Variants in GABRB3 observed in about 807,000 individuals in gnomAD.
GABRB3 encodes gamma-aminobutyric acid type A receptor subunit beta3.
A neutral mutation model predicts 52.1 loss-of-function variants in GABRB3; 14 were observed. The observed-to-expected ratio is 0.27, with a 90% CI of 0.18 to 0.42. The LOEUF (loss-of-function observed/expected upper bound fraction) is 0.42, where lower values mean the gene tolerates loss of function less well. GABRB3 is among the 10% of genes least tolerant of loss of function. The pLI is 1.00. For synonymous variants in GABRB3, 260 were observed against 232.3 expected (o/e 1.12, Z -1.08); for missense variants, 307 against 609.1 (o/e 0.50, Z 5.22).
rs1889221906 is a variant in GABRB3, at chr15:26,545,960, T to TA, written c.*1832dup. On this transcript the variant is annotated 3_prime_UTR_variant, in exon 9 of 9. Transcript: ENST00000311550. ...TGAACTGTTGCAGATGCCCACAAAT[T>TA]AAAGGTTGTTACGGCCACCAAAGAA... The TA allele has an allele frequency of 6.6e-6, 1 of 152,528 alleles. No individual in the cohort carries two copies. Among genetic ancestry groups the TA allele is most frequent in the African/African-American group, 2.4e-5 (1 of 41,400 alleles). The allele number at this position is 152,528 out of a possible 1,614,324, so 9.4% of individuals were successfully genotyped here. A position where few individuals can be genotyped will look rare whatever the true frequency, so the allele number is the denominator to read the frequency against.
chr15:26,711,316 A>C (rs1268403966), intron 3 of GABRB3, among the ~76,000 whole-genome samples: 2 of 152,150 alleles, frequency 1.3e-5, no homozygotes, highest in African/African-American at 4.8e-5. Flanking sequence ...CTAAGCAATA[A>C]GTTTGATTCC....
chr15:26,547,258 C>T lies in GABRB3; in HGVS notation c.*535G>A, dbSNP rs576525575. 3.0e-6 allele frequency: 1 copy of T among 338,280 alleles called. No homozygotes were observed. The highest frequency in any genetic ancestry group is 4.4e-5 in the East Asian group (1 of 22,574). The allele number at this position is 338,280 out of a possible 1,614,324, so 21.0% of individuals were successfully genotyped here. A position where few individuals can be genotyped will look rare whatever the true frequency, so the allele number is the denominator to read the frequency against. ...AGAGAAGCCAAGAAGCCTTTGCTTA[C>T]TAAACTGAACGAGAGGATATGAAGT... On this transcript the variant is annotated 3_prime_UTR_variant, in exon 9 of 9. Coordinates refer to ENST00000311550, the MANE Select transcript of GABRB3 (RefSeq NM_000814.6).
rs533787891 is a variant in GABRB3 at position 26,615,847 on chromosome 15, T to C, written c.461+5467A>G. 4.7e-5 allele frequency: 57 copies of C among 1,223,624 alleles called. 3 individuals carry two copies. In the South Asian group the frequency reaches 4.7e-4, roughly 10 times the overall value. The allele number at this position is 1,223,624 out of a possible 1,614,324, so 75.8% of individuals were successfully genotyped here. A position where few individuals can be genotyped will look rare whatever the true frequency, so the allele number is the denominator to read the frequency against. ...GTGTCCAGGGGTGAGAGAAATTCAG[T>C]CTGAAGGTCTCAGTGATACAGCCAG... On this transcript the variant is annotated intron_variant, in intron 4 of 8. Transcript: ENST00000311550.
intron 5 of GABRB3, among the ~76,000 whole-genome samples, chr15:26,582,313 C>T (rs1357436429): frequency 6.6e-6 from 1 of 152,200 alleles, no homozygotes; most frequent in Non-Finnish European, 1.5e-5. Flanking sequence ...CCTGAAACTT[C>T]CTCCACTGGA....
At chr15:26,604,038 A>G (rs7172598) in intron 4 of GABRB3, among the ~76,000 whole-genome samples, 47,246 of 151,984 alleles carry the variant, frequency 0.31, 8,279 homozygotes, top group East Asian at 0.79. Context: ...GACTCCATGA[A>G]AAAACTATTT....
At chr15:26,567,046 T>C (rs1346379229) in intron 7 of GABRB3, among the ~76,000 whole-genome samples, 1 of 152,228 alleles carries the variant, frequency 6.6e-6, no homozygotes, top group Non-Finnish European at 1.5e-5. Context: ...AAAAATAATA[T>C]TGGAACCTAT....
chr15:26,652,566 A>G (rs1353731284), intron 3 of GABRB3, among the ~76,000 whole-genome samples: 1 of 152,168 alleles, frequency 6.6e-6, no homozygotes, highest in Non-Finnish European at 1.5e-5. Context: ...ATGTGTCCTT[A>G]ATAAAAATAT....
At chr15:26,642,288 G>A (rs944658036) in intron 3 of GABRB3, 5 of 225,210 alleles carry the variant, frequency 2.2e-5, no homozygotes, top group East Asian at 1.0e-4. Context: ...TCAACTTTTC[G>A]TGTATGGTAT....
At chr15:26,730,482 T>C (rs1889882795) in intron 3 of GABRB3, among the ~76,000 whole-genome samples, 1 of 145,884 alleles carries the variant, frequency 6.9e-6, no homozygotes, top group Non-Finnish European at 1.5e-5. Context: ...CACAGGCACC[T>C]CACCACCCCC....
intron 3 of GABRB3, among the ~76,000 whole-genome samples, chr15:26,765,827 G>C (rs1890982112): frequency 6.6e-6 from 1 of 152,192 alleles, no homozygotes; most frequent in Non-Finnish European, 1.5e-5. Context: ...TTAGATAGCA[G>C]TGAAGGTCAT....
intron 3 of GABRB3, among the ~76,000 whole-genome samples, chr15:26,652,655 G>A (rs1379813206): frequency 6.6e-6 from 1 of 152,116 alleles, no homozygotes; most frequent in Non-Finnish European, 1.5e-5. Flanking sequence ...AGCAAGTTGA[G>A]CATTAGCCTA....
chr15:26,709,457 C>T (rs1463206661), intron 3 of GABRB3, among the ~76,000 whole-genome samples: 1 of 151,136 alleles, frequency 6.6e-6, no homozygotes, highest in Non-Finnish European at 1.5e-5. Context: ...TGGTGCCATG[C>T]TTCTTGCACA....
At chr15:26,767,008 CGTATTATATAAG>C (rs1472147139) in intron 3 of GABRB3, 3 of 152,138 alleles carry the variant, frequency 2.0e-5, no homozygotes, top group African/African-American at 7.2e-5. Flanking sequence ...TACTAAAGAG[CGTATTATATAAG>C]GTATTATTGT....
In GABRB3 at chr15:26,713,400, G is replaced by C. The variant is rs548415397; in HGVS notation, c.240+59002C>G. Among the ~76,000 whole-genome samples the C allele has an allele frequency of 8.7e-4, 133 of 152,274 alleles. 1 individual carries two copies. Among genetic ancestry groups the C allele is most frequent in the African/African-American group, 3.1e-3 (127 of 41,554 alleles). On this transcript the variant is annotated intron_variant, in intron 3 of 8. Coordinates refer to ENST00000311550, the MANE Select transcript of GABRB3 (RefSeq NM_000814.6). ...ACAGGCAGAGAGTGGACGCACAGGA[G>C]AGGGGAGACCCAGGCCCTATCAGCA...
chr15:26,662,658 C>A (rs747538615), intron 3 of GABRB3, among the ~76,000 whole-genome samples: 1 of 152,090 alleles, frequency 6.6e-6, no homozygotes, highest in Non-Finnish European at 1.5e-5. Flanking sequence ...ACAGCTCGCC[C>A]CAGCAATCAC....
intron 3 of GABRB3, among the ~76,000 whole-genome samples, chr15:26,661,768 C>T (rs1304366070): frequency 6.6e-6 from 1 of 152,148 alleles, no homozygotes; most frequent in African/African-American, 2.4e-5. Context: ...AAGAGCCCAG[C>T]TAAGCAGGGG....
chr15:26,546,171 C>A lies in GABRB3; in HGVS notation c.*1622G>T, dbSNP rs1889232098. The A allele has an allele frequency of 6.6e-6, 1 of 152,502 alleles. No individual in the cohort carries two copies. The highest frequency in any genetic ancestry group is 2.1e-4 in the South Asian group (1 of 4,830). The allele number at this position is 152,502 out of a possible 1,614,324, so 9.4% of individuals were successfully genotyped here. A position where few individuals can be genotyped will look rare whatever the true frequency, so the allele number is the denominator to read the frequency against. On this transcript the variant is annotated 3_prime_UTR_variant, in exon 9 of 9. Transcript: ENST00000311550. ...GGGATAAAGTATTAATTTAGCAGTT[C>A]TTCCTGCAAATTTTGCTTTTTATTT...
chr15:26,598,597 C>G (rs1256651618), intron 4 of GABRB3, among the ~76,000 whole-genome samples: 2 of 152,164 alleles, frequency 1.3e-5, no homozygotes, highest in Admixed American at 1.3e-4. Flanking sequence ...CCCAAGTCAG[C>G]AGGATGCCAG....
chr15:26,658,126 G>A (rs1384048746), intron 3 of GABRB3, among the ~76,000 whole-genome samples: 1 of 152,108 alleles, frequency 6.6e-6, no homozygotes, highest in Admixed American at 6.6e-5. Context: ...GTGCCACCCA[G>A]ACCAGTAAAC....
Sources: allele counts gnomAD v4.1 joint callset (sites outside exome capture counted in the v4.1 genomes callset), GRCh38; gene constraint gnomAD v4.1.1; transcripts MANE v1.5; gene names NCBI Gene and HGNC (gene_info 2026-07-23, HGNC 2026-07-21).